FAT3: variants seen among roughly 807,000 people sequenced by gnomAD.
FAT3 encodes the protein FAT atypical cadherin 3.
FAT3 carries 95 observed loss-of-function variants against 310.2 expected under a neutral mutation model. That is an observed-to-expected ratio of 0.31 (90% CI 0.26 to 0.36). The LOEUF (loss-of-function observed/expected upper bound fraction) is 0.36, where lower values mean the gene tolerates loss of function less well. FAT3 is among the 10% of genes least tolerant of loss of function. The pLI is 1.00. For synonymous variants in FAT3, 2,314 were observed against 2,192.9 expected (o/e 1.06, Z -1.54); for missense variants, 5,408 against 5,715.6 (o/e 0.95, Z 1.74).
Position 92,835,032 on chromosome 11 carries a change from T to TCTACAGTGCGGTTATCAGTGAAGACGC in FAT3, c.10037_10063dup (p.Tyr3346_Ala3354dup). The TCTACAGTGCGGTTATCAGTGAAGACGC allele has an allele frequency of 6.2e-7, 1 of 1,613,730 alleles. No homozygotes were observed. The highest frequency in any genetic ancestry group is 8.5e-7 in the Non-Finnish European group (1 of 1,179,812). The stretch of plus-strand genomic sequence containing the variant: ...AACCCTCCCAAGTTCAGCCAAGACG[T>TCTACAGTGCGGTTATCAGTGAAGACGC]CTACAGTGCGGTTATCAGTGAAGAC... On this transcript the variant is annotated inframe_insertion, in exon 15 of 28. Transcript: ENST00000525166.
intron 21 of FAT3, among the ~76,000 whole-genome samples, chr11:92,864,204 G>A (rs1040769190): frequency 6.6e-6 from 1 of 152,110 alleles, no homozygotes; most frequent in Admixed American, 6.5e-5. Flanking sequence ...TAGGAGGTGG[G>A]GGTGAGAGAG....
intron 2 of FAT3, among the ~76,000 whole-genome samples, chr11:92,373,060 T>C (rs944301408): frequency 5.3e-5 from 8 of 152,154 alleles, no homozygotes; most frequent in African/African-American, 1.9e-4. Flanking sequence ...GAGCTGGAAA[T>C]TGGGAGGGAA....
rs969616849 is a variant in FAT3 at position 92,883,490 on chromosome 11, T to G, written c.12937+97T>G. On this transcript the variant is annotated intron_variant, in intron 24 of 27. Coordinates refer to ENST00000525166, the MANE Select transcript of FAT3 (RefSeq NM_001367949.2). The surrounding 1 kb of genome is among the most constrained non-coding windows in gnomAD (Gnocchi z 4.2). ...TACGGGAAGGGAGAGAGACCCCGCA[T>G]GCAGAGCATTCGCTATGACATGTGC... 2.1e-6 allele frequency: 3 copies of G among 1,424,736 alleles called. No homozygotes were observed. The East Asian group carries it at 7.3e-5, about 35-fold the overall frequency. The allele number at this position is 1,424,736 out of a possible 1,614,324, so 88.3% of individuals were successfully genotyped here. A position where few individuals can be genotyped will look rare whatever the true frequency, so the allele number is the denominator to read the frequency against.
At chr11:92,445,300 T>A (rs918980979) in intron 2 of FAT3, among the ~76,000 whole-genome samples, 1 of 152,212 alleles carries the variant, frequency 6.6e-6, no homozygotes, top group African/African-American at 2.4e-5. Context: ...ACAATGCTGA[T>A]ACAGCTCCAT....
chr11:92,483,724 A>AGCTC (rs1159960934), intron 2 of FAT3, among the ~76,000 whole-genome samples: 1 of 96,894 alleles, frequency 1.0e-5, no homozygotes, highest in African/African-American at 4.6e-5. Context: ...GTAAGGTACA[A>AGCTC]ACTCTCACTA....
intron 2 of FAT3, chr11:92,366,688 G>A (rs2134695230): frequency 1.9e-6 from 1 of 535,758 alleles, no homozygotes; most frequent in Non-Finnish European, 3.8e-6. Context: ...TTGGAAGGCT[G>A]TTTCCATGGG....
At chr11:92,697,480 C>T (rs773458251) in intron 4 of FAT3, 35 bp downstream of exon 4, 63 of 1,594,186 alleles carry the variant, frequency 4.0e-5, no homozygotes, top group Non-Finnish European at 4.6e-5. Flanking sequence ...TTCATTAAAA[C>T]TGACTTTCAC....
chr11:92,857,119 C>T (rs1948999579), intron 19 of FAT3, 95 bp from the exon 20 acceptor site: 1 of 1,577,048 alleles, frequency 6.3e-7, no homozygotes, highest in African/African-American at 1.4e-5. Flanking sequence ...GCTCTTGAGC[C>T]ATTTGTGTGT....
chr11:92,841,514 T>A (rs1948548361), intron 18 of FAT3, among the ~76,000 whole-genome samples: 1 of 152,358 alleles, frequency 6.6e-6, no homozygotes. Context: ...CTTTACTCCA[T>A]GAAACCTTCT....
chr11:92,838,372 C>T (rs1350893897), intron 17 of FAT3, among the ~76,000 whole-genome samples: 1 of 152,210 alleles, frequency 6.6e-6, no homozygotes, highest in Admixed American at 6.5e-5. Context: ...AATCCACCTG[C>T]TCTTTAAAAT....
chr11:92,720,554 G>C (rs540504432), intron 4 of FAT3, among the ~76,000 whole-genome samples: 1 of 152,274 alleles, frequency 6.6e-6, no homozygotes, highest in Non-Finnish European at 1.5e-5. Flanking sequence ...GAACTGTTTA[G>C]CATTTGGTGA....
intron 4 of FAT3, among the ~76,000 whole-genome samples, chr11:92,732,639 G>A (rs1457660970): frequency 6.6e-6 from 1 of 152,040 alleles, no homozygotes; most frequent in Non-Finnish European, 1.5e-5. Context: ...TACAACCTTG[G>A]GCAAATTTAA....
At chr11:92,492,101 A>G (rs1273642543) in intron 2 of FAT3, among the ~76,000 whole-genome samples, 2 of 152,102 alleles carry the variant, frequency 1.3e-5, no homozygotes, top group Non-Finnish European at 2.9e-5. Context: ...AATTTGCTAG[A>G]CCTAGGTGAT....
chr11:92,397,481 A>G (rs771917290), intron 2 of FAT3, among the ~76,000 whole-genome samples: 6 of 152,140 alleles, frequency 3.9e-5, no homozygotes, highest in Non-Finnish European at 8.8e-5. Context: ...CATGCCTCAC[A>G]TAGTTTCTTT....
chr11:92,584,006 C>A (rs934732062), intron 3 of FAT3, among the ~76,000 whole-genome samples: 1 of 151,958 alleles, frequency 6.6e-6, no homozygotes, highest in Admixed American at 6.6e-5. Flanking sequence ...GATAGAACAG[C>A]GCTTGAATTC....
At chr11:92,488,828 G>T (rs1391886277) in intron 2 of FAT3, among the ~76,000 whole-genome samples, 1 of 152,092 alleles carries the variant, frequency 6.6e-6, no homozygotes, top group African/African-American at 2.4e-5. Context: ...ACCTGCCTGG[G>T]TTTGAATTTC....
intron 3 of FAT3, among the ~76,000 whole-genome samples, chr11:92,658,919 C>A (rs917735075): frequency 3.8e-5 from 5 of 130,558 alleles, no homozygotes; most frequent in Non-Finnish European, 8.8e-5. Context: ...TCATCATCGT[C>A]ATTATCATCA....
chr11:92,665,931 G>C lies in FAT3; in HGVS notation c.3608-31453G>C, dbSNP rs553728894. Among the ~76,000 whole-genome samples the C allele has an allele frequency of 1.1e-4, 16 of 152,270 alleles. No individual in the cohort carries two copies. In the South Asian group the frequency reaches 3.1e-3, roughly 30 times the overall value. On this transcript the variant is annotated intron_variant, in intron 3 of 27. Coordinates refer to ENST00000525166, the MANE Select transcript of FAT3 (RefSeq NM_001367949.2). ...CATGCCTGTAATCTCAGTGCTTTGG[G>C]AGACTGAAGCAGGAGGATCACTTGA...
chr11:92,401,050 T>A (rs1950001344), intron 2 of FAT3, among the ~76,000 whole-genome samples: 1 of 152,174 alleles, frequency 6.6e-6, no homozygotes, highest in East Asian at 1.9e-4. Context: ...AGTTTGGAAG[T>A]CCTTATTGCC....
Sources: gnomAD v4.1 joint callset for allele counts (sites outside exome capture counted in the v4.1 genomes callset) on GRCh38, gnomAD v4.1.1 for gene constraint, Gnocchi (gnomAD v3.1) non-coding constraint, MANE v1.5 for transcripts, NCBI Gene and HGNC (gene_info 2026-07-23, HGNC 2026-07-21) for gene names.